Variants in AGBL1 observed in about 807,000 individuals in gnomAD.
AGBL1 encodes AGBL carboxypeptidase 1, also known as cytosolic carboxypeptidase 4.
In AGBL1, 130 loss-of-function variants were observed where a neutral mutation model predicts 118.9. That is an observed-to-expected ratio of 1.09 (90% CI 0.95 to 1.26). The LOEUF (loss-of-function observed/expected upper bound fraction) is 1.26. AGBL1 is among the 50% of genes most tolerant of loss of function. AGBL1 has a pLI of 0.00. For synonymous variants in AGBL1, 555 were observed against 478.9 expected (o/e 1.16, Z -2.08); for missense variants, 1,584 against 1,298.1 (o/e 1.22, Z -3.38).
chr15:86,837,002 C>T (rs1436618710), intron 22 of AGBL1, among the ~76,000 whole-genome samples: 1 of 152,136 alleles, frequency 6.6e-6, no homozygotes, highest in East Asian at 1.9e-4. Context: ...ACTAATTTTG[C>T]AGTGCTCACA....
At chr15:86,185,039 C>G (rs1005442800) in intron 5 of AGBL1, among the ~76,000 whole-genome samples, 5 of 152,082 alleles carry the variant, frequency 3.3e-5, no homozygotes, top group Non-Finnish European at 5.9e-5. Context: ...TCCACCATCA[C>G]AAAGAACTCA....
chr15:86,850,455 C>A (rs2079392086), intron 22 of AGBL1, among the ~76,000 whole-genome samples: 1 of 152,164 alleles, frequency 6.6e-6, no homozygotes, highest in Non-Finnish European at 1.5e-5. Flanking sequence ...CAGATCTTTG[C>A]CAAAGAACCA....
At chr15:86,644,818 T>A (rs1275433263) in intron 21 of AGBL1, among the ~76,000 whole-genome samples, 1 of 125,486 alleles carries the variant, frequency 8.0e-6, no homozygotes, top group Non-Finnish European at 1.6e-5. Context: ...CCAGCCTGAC[T>A]GACATGGTGA....
intron 15 of AGBL1, among the ~76,000 whole-genome samples, chr15:86,277,316 GTA>G (rs1034251981): frequency 1.2e-4 from 12 of 99,788 alleles, no homozygotes; most frequent in South Asian, 8.9e-4. Context: ...GTGTGTGTGT[GTA>G]TGTGTGTGTG....
At chr15:86,748,076 C>T (rs1349904880) in intron 22 of AGBL1, among the ~76,000 whole-genome samples, 2 of 152,164 alleles carry the variant, frequency 1.3e-5, no homozygotes, top group African/African-American at 4.8e-5. Context: ...CATGGTTGAA[C>T]TAGTTTATAA....
rs1567242868 is a variant in AGBL1 at position 86,925,151 on chromosome 15, AGGAG to A, written c.3222-62834_3222-62831del. On this transcript the variant is annotated intron_variant, in intron 23 of 24. Coordinates refer to the AGBL1 transcript ENST00000441037. ...GAGGAAGAGGAAGAGGAAGAGGAGGAGGAGGAGGAGGAGGAGGAAGAGGAAGAGG... is the reference window on the plus strand; with the variant it reads ...GAGGAAGAGGAAGAGGAAGAGGAGGAGAGGAGGAGGAGGAAGAGGAAGAGG... 4.0e-3 allele frequency among the ~76,000 whole-genome samples: 489 copies of A among 121,858 alleles called. 5 individuals are homozygous for A. The highest frequency in any genetic ancestry group is 0.016 in the African/African-American group (367 of 23,484). The allele number at this position is 121,858 out of a possible 152,430, so 79.9% of individuals were successfully genotyped here.
chr15:86,829,622 C>T (rs2079076553), intron 22 of AGBL1, among the ~76,000 whole-genome samples: 1 of 152,018 alleles, frequency 6.6e-6, no homozygotes, highest in African/African-American at 2.4e-5. Context: ...GAGATAAGGA[C>T]ACACAGGCTT....
At chr15:86,308,328 G>A (rs962333118) in intron 17 of AGBL1, among the ~76,000 whole-genome samples, 1 of 151,802 alleles carries the variant, frequency 6.6e-6, no homozygotes, top group African/African-American at 2.4e-5. Flanking sequence ...GATGATACTA[G>A]TGTTCTTATA....
At chr15:86,676,052 C>T (rs1158251413) in intron 22 of AGBL1, among the ~76,000 whole-genome samples, 1 of 152,188 alleles carries the variant, frequency 6.6e-6, no homozygotes, top group Non-Finnish European at 1.5e-5. Flanking sequence ...CACCATTTCA[C>T]ACAATTATTC....
intron 24 of AGBL1, among the ~76,000 whole-genome samples, chr15:86,992,095 A>C (rs572682520): frequency 2.0e-5 from 3 of 152,236 alleles, no homozygotes; most frequent in African/African-American, 7.2e-5. Context: ...AGAGGCCTCA[A>C]GGAGCTTCTA....
intron 18 of AGBL1, among the ~76,000 whole-genome samples, chr15:86,483,288 T>C (rs1047913594): frequency 2.0e-5 from 3 of 152,088 alleles, no homozygotes; most frequent in African/African-American, 7.2e-5. Context: ...TGATGGTCTC[T>C]TATCAGCAAG....
intron 19 of AGBL1, among the ~76,000 whole-genome samples, chr15:86,526,544 G>GTATGTA (rs1555422467): frequency 8.4e-6 from 1 of 119,452 alleles, no homozygotes; most frequent in Non-Finnish European, 1.7e-5. Flanking sequence ...TTGTGTCTGT[G>GTATGTA]TATATATATA....
Position 86,554,288 on chromosome 15 carries a change from A to G in AGBL1, c.2818-73A>G, listed in dbSNP as rs1032749564. 4.7e-6 allele frequency: 6 copies of G among 1,272,002 alleles called. No individual in the cohort carries two copies. In the African/African-American group the frequency reaches 7.7e-5, roughly 16 times the overall value. The allele number at this position is 1,272,002 out of a possible 1,614,324, so 78.8% of individuals were successfully genotyped here. On this transcript the variant is annotated intron_variant, in intron 20 of 22. Transcript: ENST00000614907. Reference sequence around the variant, plus strand: ...TATATATAGATGCTTAACAATGTTGAGAAGCTATTTTTATGATGACTATCC... The same window carrying G: ...TATATATAGATGCTTAACAATGTTGGGAAGCTATTTTTATGATGACTATCC...
At chr15:86,828,914 G>GTA (rs3059643) in intron 22 of AGBL1, among the ~76,000 whole-genome samples, 1,961 of 141,802 alleles carry the variant, frequency 0.014, 18 homozygotes, top group Middle Eastern at 0.018. Context: ...AAGTTCAAAA[G>GTA]TATATATATA....
intron 21 of AGBL1, among the ~76,000 whole-genome samples, chr15:86,612,371 T>C (rs2084669052): frequency 7.0e-6 from 1 of 143,404 alleles, no homozygotes; most frequent in Admixed American, 7.6e-5. Flanking sequence ...TTAGGCTGAA[T>C]GGGCCCTGCC....
chr15:86,421,320 GA>G (rs201561523), intron 18 of AGBL1, among the ~76,000 whole-genome samples: 15 of 151,504 alleles, frequency 9.9e-5, no homozygotes, highest in African/African-American at 2.9e-4. Flanking sequence ...CATTCTTAAA[GA>G]AAAAAAACTC....
At chr15:86,142,799 G>A (rs1230004483) in intron 2 of AGBL1, among the ~76,000 whole-genome samples, 3 of 152,148 alleles carry the variant, frequency 2.0e-5, no homozygotes, top group African/African-American at 4.8e-5. Context: ...GAAGTCACTC[G>A]TCTTCTGGGA....
At chr15:86,227,862 C>T (rs1276866123) in intron 6 of AGBL1, among the ~76,000 whole-genome samples, 1 of 152,144 alleles carries the variant, frequency 6.6e-6, no homozygotes, top group East Asian at 1.9e-4. Context: ...TCTTGAGGGT[C>T]TGAGAATGAG....
intron 6 of AGBL1, among the ~76,000 whole-genome samples, chr15:86,240,605 G>T (rs1026070481): frequency 6.6e-6 from 1 of 152,170 alleles, no homozygotes; most frequent in Admixed American, 6.6e-5. Context: ...GATTTGGAAG[G>T]AAACTTTGGA....
Sources: allele counts gnomAD v4.1 joint callset (sites outside exome capture counted in the v4.1 genomes callset), GRCh38; gene constraint gnomAD v4.1.1; transcripts MANE v1.5; gene names NCBI Gene and HGNC (gene_info 2026-07-23, HGNC 2026-07-21).